Variants in ABHD12B observed in about 807,000 individuals in gnomAD.
ABHD12B encodes protein ABHD12B.
ABHD12B carries 42 observed loss-of-function variants against 50.4 expected under a neutral mutation model. That is an observed-to-expected ratio of 0.83 (90% CI 0.65 to 1.08). The LOEUF is 1.08. Ranked by LOEUF, ABHD12B falls within the 50% of genes least tolerant of loss-of-function variation. ABHD12B has a pLI of 0.00. For synonymous variants in ABHD12B, 167 were observed against 160.3 expected (o/e 1.04, Z -0.32); for missense variants, 479 against 447.7 (o/e 1.07, Z -0.63).
intron 9 of ABHD12B, among the ~76,000 whole-genome samples, chr14:50,898,544 C>T (rs1400551810): frequency 6.6e-6 from 1 of 152,124 alleles, no homozygotes; most frequent in Non-Finnish European, 1.5e-5. Context: ...ATGGTCTAGG[C>T]TGGAGGGGAA....
chr14:50,898,069 G>C (rs2050219084), intron 9 of ABHD12B, among the ~76,000 whole-genome samples: 1 of 152,192 alleles, frequency 6.6e-6, no homozygotes, highest in Non-Finnish European at 1.5e-5. Context: ...CGAGGAACAG[G>C]TGAATGTTAA....
intron 9 of ABHD12B, 25 bp from the exon 10 acceptor site, chr14:50,901,804 A>AT (rs758928531): frequency 5.8e-4 from 857 of 1,478,828 alleles, no homozygotes; most frequent in Non-Finnish European, 5.4e-4. Flanking sequence ...GCAAATATTA[A>AT]TTTTTTTTTC....
At chr14:50,901,766 A>G (rs1596024759) in intron 9 of ABHD12B, 63 bp from the exon 10 acceptor site, 28 of 1,052,070 alleles carry the variant, frequency 2.7e-5, no homozygotes, top group Non-Finnish European at 3.5e-5. Flanking sequence ...ATAGTGAAAG[A>G]CTATATAACA....
At position 50,872,152 on chromosome 14, in the gene ABHD12B, G is replaced by T. The variant is rs761230912; in HGVS notation, c.-23G>T. On this transcript the variant is annotated 5_prime_UTR_variant, in exon 1 of 13. Transcript: ENST00000337334. ...GGACTGCAGCTCCCGCGGCGGTGGC[G>T]GCGTATCGGGACACGGCGCGGGATG... 4 of 1,277,334 alleles carry T rather than the reference G, an allele frequency of 3.1e-6. No individual in the cohort carries two copies. The African/African-American group carries it at 6.2e-5, about 20-fold the overall frequency. The allele number at this position is 1,277,334 out of a possible 1,614,324, so 79.1% of individuals were successfully genotyped here. A position where few individuals can be genotyped will look rare whatever the true frequency, so the allele number is the denominator to read the frequency against.
intron 1 of ABHD12B, among the ~76,000 whole-genome samples, chr14:50,875,575 T>C (rs949897062): frequency 1.7e-4 from 26 of 152,180 alleles, no homozygotes; most frequent in Non-Finnish European, 3.5e-4. Context: ...AGCACCAAGG[T>C]GGCCGTTTGA....
chr14:50,872,670 G>T (rs2049803263), intron 1 of ABHD12B, among the ~76,000 whole-genome samples: 1 of 152,202 alleles, frequency 6.6e-6, no homozygotes, highest in Admixed American at 6.5e-5. Flanking sequence ...AATATATGTT[G>T]TAATCTTGGA....
chr14:50,881,512 C>T (rs964668742), intron 4 of ABHD12B, 84 bp from the exon 5 acceptor site: 1 of 1,459,776 alleles, frequency 6.9e-7, no homozygotes, highest in African/African-American at 1.4e-5. Context: ...CAGATACCAG[C>T]AGCACGAGAG....
Position 50,904,713 on chromosome 14 carries a change from C to T in ABHD12B, c.*347C>T, listed in dbSNP as rs749238205. On this transcript the variant is annotated 3_prime_UTR_variant, in exon 13 of 13. Transcript: ENST00000337334. ...GGTCCGAATATCTGGGCCTGCCCCC[C>T]CAAATTATGCTGAAACCTAATCACC... 5.6e-6 allele frequency: 2 copies of T among 356,800 alleles called. No homozygotes were observed. Among genetic ancestry groups the T allele is most frequent in the East Asian group, 1.2e-4 (2 of 16,528 alleles). 22.1% of individuals were successfully genotyped at this position (356,800 alleles called of 1,614,324 possible). A position where few individuals can be genotyped will look rare whatever the true frequency, so the allele number is the denominator to read the frequency against.
intron 1 of ABHD12B, among the ~76,000 whole-genome samples, chr14:50,872,639 A>G (rs1486523349): frequency 6.6e-6 from 1 of 152,210 alleles, no homozygotes; most frequent in African/African-American, 2.4e-5. Flanking sequence ...TCTGAATGAC[A>G]TTAGTAATAG....
chr14:50,881,602 T>A lies in ABHD12B; in HGVS notation c.462T>A (p.Ala154=). The change falls in exon 5 of 13, where the codon GCT becomes GCA. Residue 154 remains alanine, a synonymous_variant. Coordinates refer to ENST00000337334, the MANE Select transcript of ABHD12B (RefSeq NM_001206673.2). ...TTTTAAACTTCCTTCACAGGGCAGC[T>A]TCGCACAGACTGAAGCTGGTAAAGG... ...YLHGSAEHRA[A]SHRLKLVKVL... 1 of 1,607,184 alleles carries A rather than the reference T, an allele frequency of 6.2e-7. No homozygotes were observed.
Position 50,872,161 on chromosome 14 carries a change from G to C in ABHD12B, c.-14G>C. The C allele has an allele frequency of 7.7e-7, 1 of 1,297,772 alleles. No individual in the cohort carries two copies. Among genetic ancestry groups the C allele is most frequent in the Non-Finnish European group, 9.8e-7 (1 of 1,021,970 alleles). The allele number at this position is 1,297,772 out of a possible 1,614,324, so 80.4% of individuals were successfully genotyped here. A position where few individuals can be genotyped will look rare whatever the true frequency, so the allele number is the denominator to read the frequency against. ...CTCCCGCGGCGGTGGCGGCGTATCG[G>C]GACACGGCGCGGGATGGACGCGCAG... On this transcript the variant is annotated 5_prime_UTR_variant, in exon 1 of 13. Coordinates refer to ENST00000337334, the MANE Select transcript of ABHD12B (RefSeq NM_001206673.2).
At chr14:50,891,086 C>A (rs1454683246) in intron 9 of ABHD12B, 6 of 152,120 alleles carry the variant, frequency 3.9e-5, no homozygotes, top group African/African-American at 1.4e-4. Flanking sequence ...TGGTTCATGT[C>A]TTTTGCCCAT....
intron 1 of ABHD12B, among the ~76,000 whole-genome samples, chr14:50,873,813 C>T (rs1233749876): frequency 6.6e-6 from 1 of 152,144 alleles, no homozygotes; most frequent in African/African-American, 2.4e-5. Context: ...ATCAAAGTTG[C>T]ACATCATACT....
In ABHD12B at chr14:50,881,605, G is replaced by A. The variant is rs908622770; in HGVS notation, c.465G>A (p.Ser155=). The A allele has an allele frequency of 5.7e-6, 9 of 1,586,756 alleles. No homozygotes were observed. Among genetic ancestry groups the A allele is most frequent in the Admixed American group, 3.5e-5 (2 of 57,424 alleles). Residue 155 remains serine (S), a synonymous_variant, in exon 5 of 13, where the codon TCG becomes TCA. Transcript: ENST00000337334. ...TAAACTTCCTTCACAGGGCAGCTTC[G>A]CACAGACTGAAGCTGGTAAAGGTAT... ...LHGSAEHRAA[S]HRLKLVKVLS... is the part of the protein sequence containing the mutation.
chr14:50,900,923 C>T lies in ABHD12B; in HGVS notation c.781-906C>T, dbSNP rs563841614. On this transcript the variant is annotated intron_variant, in intron 9 of 12. Coordinates refer to ENST00000337334, the MANE Select transcript of ABHD12B (RefSeq NM_001206673.2). ...AAAGAGTGCTACGATCTGATTTGCA[C>T]GTTAAAATAATCATTCTGGTTTTCC... is the stretch of plus-strand genomic sequence containing the variant. 1.5e-4 allele frequency among the ~76,000 whole-genome samples: 23 copies of T among 152,260 alleles called. No homozygotes were observed. In the East Asian group the frequency reaches 3.3e-3, roughly 22 times the overall value.
chr14:50,892,254 T>G (rs1206183091), intron 9 of ABHD12B: 1 of 218,694 alleles, frequency 4.6e-6, no homozygotes, highest in Non-Finnish European at 7.8e-6. Flanking sequence ...CATATTCTCC[T>G]AGAAGCAAAG....
chr14:50,881,979 A>G (rs2049958069), intron 5 of ABHD12B, among the ~76,000 whole-genome samples: 1 of 147,922 alleles, frequency 6.8e-6, no homozygotes. Context: ...TCTGTTGCCC[A>G]GGCTGGAGTG....
chr14:50,877,340 G>A (rs780517488), intron 1 of ABHD12B, among the ~76,000 whole-genome samples: 1 of 152,158 alleles, frequency 6.6e-6, no homozygotes, highest in Non-Finnish European at 1.5e-5. Context: ...TGCAGCAACT[G>A]TTAAACTGTC....
At chr14:50,890,149 T>C (rs990352814) in intron 9 of ABHD12B, among the ~76,000 whole-genome samples, 3 of 152,222 alleles carry the variant, frequency 2.0e-5, no homozygotes, top group Non-Finnish European at 4.4e-5. Flanking sequence ...AATATAACCA[T>C]TAATTGCATA....
Sources: gnomAD v4.1 joint callset for allele counts (sites outside exome capture counted in the v4.1 genomes callset) on GRCh38, gnomAD v4.1.1 for gene constraint, MANE v1.5 for transcripts, NCBI Gene and HGNC (gene_info 2026-07-23, HGNC 2026-07-21) for gene names.